CALCB: variants seen among roughly 807,000 people sequenced by gnomAD.
The protein encoded by CALCB is calcitonin gene-related peptide 2.
In CALCB, 8 loss-of-function variants were observed where a neutral mutation model predicts 10.7. The ratio of observed to expected loss-of-function variants is 0.75; its 90% CI spans 0.44 to 1.34. The LOEUF (loss-of-function observed/expected upper bound fraction) is 1.34. CALCB is among the 40% of genes most tolerant of loss of function. The pLI, the probability that CALCB is intolerant of heterozygous loss-of-function variation, is 0.01. For missense variants in CALCB, 176 were observed against 162.5 expected (o/e 1.08, Z -0.45); for synonymous variants, 76 against 66.9 (o/e 1.14, Z -0.66).
At position 15,077,230 on chromosome 11, in the gene CALCB, C is replaced by T. The variant is rs180840839; in HGVS notation, c.225-56C>T. On this transcript the variant is annotated intron_variant, in intron 3 of 4. Coordinates refer to ENST00000324229, the MANE Select transcript of CALCB (RefSeq NM_000728.4). ...TGTTGCAGTTCTCTTCATGAAGGCT[C>T]CTCCCCCAGCTTTTCACTCACAGGT... 129 of 1,589,244 alleles carry T rather than the reference C, an allele frequency of 8.1e-5. No homozygotes were observed. In the East Asian group the frequency reaches 2.4e-3, roughly 30 times the overall value.
chr11:15,073,859 C>A (rs1223440387), intron 1 of CALCB, among the ~76,000 whole-genome samples, 196 bp downstream of exon 1: 1 of 152,372 alleles, frequency 6.6e-6, no homozygotes, highest in African/African-American at 2.4e-5. Context: ...CCTACCAGTG[C>A]GAGAGGAGCC....
At chr11:15,076,123 G>T (rs1850391397) in intron 3 of CALCB, among the ~76,000 whole-genome samples, 1 of 152,144 alleles carries the variant, frequency 6.6e-6, no homozygotes, top group Admixed American at 6.5e-5. Context: ...TGCCCATGGG[G>T]ACAGTCCCTA....
In CALCB at chr11:15,075,218, C is replaced by T; in HGVS notation, c.224+20C>T. On this transcript the variant is annotated intron_variant, in intron 3 of 4. Coordinates refer to ENST00000324229, the MANE Select transcript of CALCB (RefSeq NM_000728.4). ...CTCCAGGTGAGGTTCCCCAAGCGCC[C>T]AGCACAGGGACTCCTCTCCCCGCAG... 1 of 1,613,758 alleles carries T rather than the reference C, an allele frequency of 6.2e-7. No homozygotes were observed.
rs1162731935 is a variant in CALCB, at chr11:15,074,806, T to G, written c.86+2T>G. 6.2e-7 allele frequency: 1 copy of G among 1,611,928 alleles called. No homozygotes were observed. Among genetic ancestry groups the G allele is most frequent in the Admixed American group, 1.7e-5 (1 of 59,664 alleles). ...CAGCCTCCAGGCGGCGCCATTCAGG[T>G]GAGACAGCCTGGAGCCAGAGGCGCC... On this transcript the variant is annotated splice_donor_variant, in intron 2 of 4. Coordinates refer to ENST00000324229, the MANE Select transcript of CALCB (RefSeq NM_000728.4). LOFTEE classifies it high-confidence loss of function.
intron 1 of CALCB, among the ~76,000 whole-genome samples, chr11:15,074,296 T>G (rs1850374180): frequency 6.6e-6 from 1 of 152,186 alleles, no homozygotes; most frequent in South Asian, 2.1e-4. Context: ...CAATCCACCC[T>G]TCCCACCTTC....
chr11:15,077,419 A>G lies in CALCB; in HGVS notation c.358A>G (p.Arg120Gly), dbSNP rs1293560272. The G allele has an allele frequency of 6.2e-7, 1 of 1,614,096 alleles. No homozygotes were observed. The highest frequency in any genetic ancestry group is 8.5e-7 in the Non-Finnish European group (1 of 1,180,048). The part of the protein sequence containing the change: ...PTNVGSKAFG[R>G]RRRDLQA ...CAATGTGGGTTCCAAAGCCTTTGGCAGGCGCCGCAGGGACCTTCAAGCCTG... is the reference window on the plus strand; with the variant it reads ...CAATGTGGGTTCCAAAGCCTTTGGCGGGCGCCGCAGGGACCTTCAAGCCTG... Residue 120 changes from arginine (R) to glycine (G), a missense_variant, in exon 4 of 5, where the codon AGG (arginine) becomes GGG (glycine). Arg to Gly is a moderately radical substitution (Grantham distance 125). Transcript: ENST00000324229.
chr11:15,077,171 C>G lies in CALCB; in HGVS notation c.225-115C>G, dbSNP rs530601369. 16 of 1,149,614 alleles carry G rather than the reference C, an allele frequency of 1.4e-5. No homozygotes were observed. The South Asian group carries it at 2.2e-4, about 16-fold the overall frequency. The allele number at this position is 1,149,614 out of a possible 1,614,324, so 71.2% of individuals were successfully genotyped here. Reference sequence around the variant, plus strand: ...CTAACAGCTTTGATAATTGCATTTTCGAGAAACACTTACTGTTAGGTGGTG... The same window carrying G: ...CTAACAGCTTTGATAATTGCATTTTGGAGAAACACTTACTGTTAGGTGGTG... On this transcript the variant is annotated intron_variant, in intron 3 of 4. Coordinates refer to ENST00000324229, the MANE Select transcript of CALCB (RefSeq NM_000728.4).
chr11:15,074,511 A>G (rs1469809016), intron 1 of CALCB, among the ~76,000 whole-genome samples, 199 bp from the exon 2 acceptor site: 3 of 152,104 alleles, frequency 2.0e-5, no homozygotes, highest in African/African-American at 7.2e-5. Context: ...CCCCTAGGAC[A>G]CCTTTTTCCG....
At chr11:15,075,221 C>A (rs1025855931) in intron 3 of CALCB, 23 bp downstream of exon 3, 1 of 1,613,672 alleles carries the variant, frequency 6.2e-7, no homozygotes, top group Non-Finnish European at 8.5e-7. Flanking sequence ...AAGCGCCCAG[C>A]ACAGGGACTC....
At chr11:15,074,992 T>G in intron 2 of CALCB, 69 bp from the exon 3 acceptor site, 1 of 1,580,072 alleles carries the variant, frequency 6.3e-7, no homozygotes, top group Non-Finnish European at 8.7e-7. Flanking sequence ...CCAGGAAGCC[T>G]GGCTGCCTAT....
At chr11:15,073,877 C>T (rs565208337) in intron 1 of CALCB, among the ~76,000 whole-genome samples, 1 of 152,382 alleles carries the variant, frequency 6.6e-6, no homozygotes, top group African/African-American at 2.4e-5. Context: ...GCCCAAGCAT[C>T]CCCATGGCTC....
In CALCB at chr11:15,077,313, C is replaced by T; in HGVS notation, c.252C>T (p.Asn84=). Residue 84 remains asparagine, a synonymous_variant, in exon 4 of 5, where the codon AAC becomes AAT. Coordinates refer to ENST00000324229, the MANE Select transcript of CALCB (RefSeq NM_000728.4). ...SSSAAQKRAC[N]TATCVTHRLA... The stretch of plus-strand genomic sequence containing the variant: ...CCGCTGCCCAGAAGAGAGCCTGCAA[C>T]ACTGCCACCTGTGTGACTCATCGGC... 1.9e-6 allele frequency: 3 copies of T among 1,614,262 alleles called. No homozygotes were observed. The highest frequency in any genetic ancestry group is 1.7e-6 in the Non-Finnish European group (2 of 1,180,050).
intron 1 of CALCB, among the ~76,000 whole-genome samples, chr11:15,074,497 C>T (rs1850375827): frequency 6.6e-6 from 1 of 152,200 alleles, no homozygotes; most frequent in Admixed American, 6.5e-5. Context: ...TTCTCTCCAC[C>T]CTTCCCCTAG....
At chr11:15,074,637 G>A (rs1400387252) in intron 1 of CALCB, 73 bp from the exon 2 acceptor site, 4 of 1,146,960 alleles carry the variant, frequency 3.5e-6, no homozygotes, top group Non-Finnish European at 3.9e-6. Context: ...AGGTCACATG[G>A]CAGTTGTGGC....
chr11:15,074,189 GCA>G (rs1367148257), intron 1 of CALCB, among the ~76,000 whole-genome samples: 5 of 152,264 alleles, frequency 3.3e-5, no homozygotes, highest in East Asian at 3.9e-4. Context: ...ACGCGCTCCG[GCA>G]GAGGGCTGGC....
intron 1 of CALCB, among the ~76,000 whole-genome samples, chr11:15,074,229 A>G (rs1850373644): frequency 6.6e-6 from 1 of 152,256 alleles, no homozygotes; most frequent in South Asian, 2.1e-4. Context: ...AGACACCCGT[A>G]ACTGGCACGT....
In CALCB at chr11:15,074,795, C is replaced by G; in HGVS notation, c.77C>G (p.Ala26Gly). ...TACCAGGCGGGCAGCCTCCAGGCGG[C>G]GCCATTCAGGTGAGACAGCCTGGAG... Reference protein sequence around the residue: ...VLYQAGSLQAAPFRSALESSP... With the variant: ...VLYQAGSLQAGPFRSALESSP... Residue 26 changes from alanine to glycine, a missense_variant, in exon 2 of 5, where the codon GCG becomes GGG. Ala to Gly is a moderately conservative substitution (Grantham distance 60). Transcript: ENST00000324229. The G allele has an allele frequency of 6.2e-7, 1 of 1,613,566 alleles. No individual in the cohort carries two copies. Among genetic ancestry groups the G allele is most frequent in the Non-Finnish European group, 8.5e-7 (1 of 1,179,666 alleles).
chr11:15,076,672 C>T (rs997714262), intron 3 of CALCB, among the ~76,000 whole-genome samples: 1 of 152,224 alleles, frequency 6.6e-6, no homozygotes, highest in Non-Finnish European at 1.5e-5. Flanking sequence ...ATGAATCAAT[C>T]TATTTTTCTA....
intron 3 of CALCB, among the ~76,000 whole-genome samples, chr11:15,076,853 A>C (rs1396360356): frequency 1.3e-5 from 2 of 152,132 alleles, no homozygotes; most frequent in Non-Finnish European, 2.9e-5. Flanking sequence ...GGAGCTGGTA[A>C]GTACTTCTGG....
Sources: gnomAD v4.1 joint callset for allele counts (sites outside exome capture counted in the v4.1 genomes callset) on GRCh38, gnomAD v4.1.1 for gene constraint, MANE v1.5 for transcripts, NCBI Gene and HGNC (gene_info 2026-07-23, HGNC 2026-07-21) for gene names.